BCL2L11: variants seen among roughly 807,000 people sequenced by gnomAD.
BCL2L11 encodes the protein bcl-2-like protein 11.
Under a neutral mutation model 20.6 loss-of-function variants are expected in BCL2L11, and 15 were observed. That is an observed-to-expected ratio of 0.73 (90% CI 0.49 to 1.12). BCL2L11 has a LOEUF of 1.12. Ranked by LOEUF, BCL2L11 falls within the 50% of genes most tolerant of loss-of-function variation. The pLI is 0.00. For synonymous variants in BCL2L11, 108 were observed against 92.8 expected, an observed-to-expected ratio of 1.16 and a Z score of -0.94; for missense variants, 292 against 260.9, an observed-to-expected ratio of 1.12 and a Z score of -0.82.
intron 3 of BCL2L11, chr2:111,161,328 A>T (rs1207514695): frequency 2.1e-5 from 31 of 1,462,166 alleles, no homozygotes; most frequent in Middle Eastern, 3.4e-4. Flanking sequence ...ATAGTTTTTT[A>T]AAAAACGCTT....
Position 111,166,650 on chromosome 2 carries a change from G to A in BCL2L11, c.*2419G>A, listed in dbSNP as rs1394874561. On this transcript the variant is annotated 3_prime_UTR_variant, in exon 4 of 4. Transcript: ENST00000393256. ...GTGCCTTGACAACCTCTCCCTATGTGAGGTTTGTAAAAAGTGTCCTGTGAC... is the reference window on the plus strand; with the variant it reads ...GTGCCTTGACAACCTCTCCCTATGTAAGGTTTGTAAAAAGTGTCCTGTGAC... 2 of 152,722 alleles carry A rather than the reference G, an allele frequency of 1.3e-5. No individual in the cohort carries two copies. Among genetic ancestry groups the A allele is most frequent in the Admixed American group, 6.5e-5 (1 of 15,296 alleles). 9.5% of individuals were successfully genotyped at this position (152,722 alleles called of 1,614,324 possible).
In BCL2L11 at chr2:111,150,399, T is replaced by TA; in HGVS notation, c.498+258dup. On this transcript the variant is annotated intron_variant, in intron 3 of 3. Coordinates refer to ENST00000393256, the MANE Select transcript of BCL2L11 (RefSeq NM_138621.5). ...ATGAGCACAGACTTTAAAACAATGC[T>TA]AAAAAAGGGATTATTTATAGACTTT... 3 of 545,492 alleles carry TA rather than the reference T, an allele frequency of 5.5e-6. No individual in the cohort carries two copies. In the South Asian group the frequency reaches 5.9e-5, roughly 11 times the overall value. 33.8% of individuals were successfully genotyped at this position (545,492 alleles called of 1,614,324 possible).
At chr2:111,153,630 C>A in intron 3 of BCL2L11, 1 of 893,320 alleles carries the variant, frequency 1.1e-6, no homozygotes, top group Non-Finnish European at 1.7e-6. Context: ...GCGAGTGTAT[C>A]TCACTGTGCT....
chr2:111,150,490 G>T (rs1200541718), intron 3 of BCL2L11, among the ~76,000 whole-genome samples: 1 of 152,168 alleles, frequency 6.6e-6, no homozygotes. Context: ...TACTCCCCTT[G>T]TGCATTTTAG....
chr2:111,134,547 A>G (rs2074515856), intron 2 of BCL2L11, among the ~76,000 whole-genome samples: 1 of 152,212 alleles, frequency 6.6e-6, no homozygotes, highest in South Asian at 2.1e-4. Flanking sequence ...TTTTGCTTCA[A>G]CCATCAAATA....
chr2:111,135,534 C>T (rs2074707435), intron 2 of BCL2L11, among the ~76,000 whole-genome samples: 1 of 151,808 alleles, frequency 6.6e-6, no homozygotes, highest in Admixed American at 6.6e-5. Flanking sequence ...GAAGCTGACC[C>T]CACCAGGGGT....
At chr2:111,155,026 C>T (rs2077659737) in intron 3 of BCL2L11, among the ~76,000 whole-genome samples, 1 of 152,178 alleles carries the variant, frequency 6.6e-6, no homozygotes, top group South Asian at 2.1e-4. Context: ...GGGCTACTGA[C>T]CCTCACAGCT....
intron 3 of BCL2L11, among the ~76,000 whole-genome samples, chr2:111,162,496 C>T (rs1255310899): frequency 6.6e-6 from 1 of 152,228 alleles, no homozygotes; most frequent in Non-Finnish European, 1.5e-5. Flanking sequence ...TGTGAGGTGA[C>T]TTCTACTTAA....
Position 111,165,545 on chromosome 2 carries a change from C to G in BCL2L11, c.*1314C>G, listed in dbSNP as rs1255780158. The G allele has an allele frequency of 6.6e-6, 1 of 152,160 alleles. No homozygotes were observed. Among genetic ancestry groups the G allele is most frequent in the African/African-American group, 2.4e-5 (1 of 41,396 alleles). The allele number at this position is 152,160 out of a possible 1,614,324, so 9.4% of individuals were successfully genotyped here. On this transcript the variant is annotated 3_prime_UTR_variant, in exon 4 of 4. Coordinates refer to ENST00000393256, the MANE Select transcript of BCL2L11 (RefSeq NM_138621.5). ...TTTTTCCAGGACAGTTGGATATTGT[C>G]AGGCCACTTGTGACCCCAGCCATGT... is the stretch of plus-strand genomic sequence containing the variant.
At position 111,123,912 on chromosome 2, in the gene BCL2L11, C is replaced by T. The variant is rs2071848787; in HGVS notation, c.167C>T (p.Pro56Leu). The change falls in exon 2 of 4, where the codon CCC becomes CTC. Residue 56 changes from proline to leucine, a missense_variant. By Grantham distance (98) the Pro-to-Leu change is moderately conservative (BLOSUM62 -3). Coordinates refer to ENST00000393256, the MANE Select transcript of BCL2L11 (RefSeq NM_138621.5). Reference protein sequence around the residue: ...GNHGGEGDSCPHGSPQGPLAP... With the variant: ...GNHGGEGDSCLHGSPQGPLAP... ...CACGGAGGTGAAGGGGACAGCTGCCCCCACGGCAGCCCTCAGGGCCCGCTG... is the reference window on the plus strand; with the variant it reads ...CACGGAGGTGAAGGGGACAGCTGCCTCCACGGCAGCCCTCAGGGCCCGCTG... 6.2e-7 allele frequency: 1 copy of T among 1,613,078 alleles called. No homozygotes were observed. Among genetic ancestry groups the T allele is most frequent in the Admixed American group, 1.7e-5 (1 of 59,826 alleles).
At chr2:111,121,994 G>A (rs1321184556) in intron 1 of BCL2L11, among the ~76,000 whole-genome samples, 1 of 152,190 alleles carries the variant, frequency 6.6e-6, no homozygotes, top group Non-Finnish European at 1.5e-5. Flanking sequence ...CGTGCCCTCT[G>A]GGACCTGTTG....
intron 2 of BCL2L11, chr2:111,132,039 C>T (rs955447857): frequency 2.0e-5 from 3 of 152,172 alleles, no homozygotes; most frequent in African/African-American, 7.2e-5. Context: ...GTTTGGCCTC[C>T]ACACTCCAGC....
At chr2:111,150,264 T>G in intron 3 of BCL2L11, 117 bp downstream of exon 3, 1 of 1,508,142 alleles carries the variant, frequency 6.6e-7, no homozygotes, top group Non-Finnish European at 8.9e-7. Context: ...TGATTACTGT[T>G]GCCTAGTTGT....
intron 3 of BCL2L11, among the ~76,000 whole-genome samples, chr2:111,154,218 T>G (rs1422026525): frequency 6.6e-6 from 1 of 152,202 alleles, no homozygotes; most frequent in African/African-American, 2.4e-5. Flanking sequence ...TCAGTGTATA[T>G]TTCCCAAAAA....
chr2:111,124,332 C>T (rs962187065), intron 2 of BCL2L11, among the ~76,000 whole-genome samples, 193 bp downstream of exon 2: 1 of 151,734 alleles, frequency 6.6e-6, no homozygotes, highest in African/African-American at 2.4e-5. Flanking sequence ...GCTCTGTCGC[C>T]CAGGCTGGAG....
chr2:111,161,796 T>C (rs946872323), intron 3 of BCL2L11, among the ~76,000 whole-genome samples: 2 of 152,222 alleles, frequency 1.3e-5, no homozygotes, highest in Non-Finnish European at 2.9e-5. Flanking sequence ...CTTTCTCTAA[T>C]TGCTTCAGAC....
At position 111,147,423 on chromosome 2, in the gene BCL2L11, G is replaced by A. The variant is rs953290040; in HGVS notation, c.395-2621G>A. Among the ~76,000 whole-genome samples the A allele has an allele frequency of 5.3e-5, 8 of 151,760 alleles. No individual in the cohort carries two copies. In the East Asian group the frequency reaches 5.8e-4, roughly 11 times the overall value. On this transcript the variant is annotated intron_variant, in intron 2 of 3. Coordinates refer to ENST00000393256, the MANE Select transcript of BCL2L11 (RefSeq NM_138621.5). ...TTTCTCCCTGCCAGAGCTTAGGGATGTGTTTATATCCATGAATTTATTTAG... is the reference window on the plus strand; with the variant it reads ...TTTCTCCCTGCCAGAGCTTAGGGATATGTTTATATCCATGAATTTATTTAG...
In BCL2L11 at chr2:111,124,048, A is replaced by G. The variant is rs2071901794; in HGVS notation, c.303A>G (p.Thr101=). 1 of 1,614,082 alleles carries G rather than the reference A, an allele frequency of 6.2e-7. No homozygotes were observed. Among genetic ancestry groups the G allele is most frequent in the Admixed American group, 1.7e-5 (1 of 60,012 alleles). Residue 101 remains threonine (T), a synonymous_variant, in exon 2 of 4, where the codon ACA becomes ACG. Coordinates refer to ENST00000393256, the MANE Select transcript of BCL2L11 (RefSeq NM_138621.5). Reference sequence around the variant, plus strand: ...CCAGTGGGTATTTCTCTTTTGACACAGACAGGAGCCCAGCACCCATGAGTT... The same window carrying G: ...CCAGTGGGTATTTCTCTTTTGACACGGACAGGAGCCCAGCACCCATGAGTT... The part of the protein sequence containing the change: ...RSSSGYFSFD[T]DRSPAPMSCD...
At chr2:111,153,783 G>C (rs2150529849) in intron 3 of BCL2L11, 1 of 1,552,210 alleles carries the variant, frequency 6.4e-7, no homozygotes, top group Non-Finnish European at 8.7e-7. Context: ...TTTCCAGTTA[G>C]AGAAATAGAG....
Sources: allele counts gnomAD v4.1 joint callset (sites outside exome capture counted in the v4.1 genomes callset), GRCh38; gene constraint gnomAD v4.1.1; transcripts MANE v1.5; gene names NCBI Gene and HGNC (gene_info 2026-07-23, HGNC 2026-07-21).